Variants in SURF2 observed in about 807,000 individuals in gnomAD.
SURF2 encodes the protein surfeit 2, also known as surfeit locus protein 2.
Under a neutral mutation model 26.2 loss-of-function variants are expected in SURF2, and 32 were observed. That is an observed-to-expected ratio of 1.22 (90% confidence interval 0.92 to 1.64). The LOEUF (loss-of-function observed/expected upper bound fraction) is 1.64, where lower values mean the gene tolerates loss of function less well. Ranked by LOEUF, SURF2 falls within the 40% of genes most tolerant of loss-of-function variation. The pLI is 0.00. For missense variants in SURF2, 415 were observed against 341.6 expected (o/e 1.21, Z -1.69); for synonymous variants, 173 against 139.1 (o/e 1.24, Z -1.71).
Position 133,357,803 on chromosome 9 carries a change from C to G in SURF2, c.326C>G (p.Ala109Gly), listed in dbSNP as rs2130036881. 1.7e-5 allele frequency: 27 copies of G among 1,613,368 alleles called. No individual in the cohort carries two copies. The highest frequency in any genetic ancestry group is 2.7e-5 in the African/African-American group (2 of 74,962). The stretch of plus-strand genomic sequence containing the variant: ...ACCCAGGGCCGGCGGTACCAGCGAG[C>G]TCTGTGTAAATGTAAGTCCCAGTGG... ...RHTQGRRYQR[A>G]LCKYEECQKQ... Residue 109 changes from alanine (A) to glycine (G), a missense_variant, in exon 3 of 6, where the codon GCT (alanine) becomes GGT (glycine). Transcript: ENST00000371964.
chr9:133,360,951 A>T, intron 5 of SURF2, 105 bp from the exon 6 acceptor site: 1 of 1,197,198 alleles, frequency 8.4e-7, no homozygotes, highest in Non-Finnish European at 1.2e-6. Context: ...TGGGTATTTG[A>T]CCGACACCTC....
Position 133,357,116 on chromosome 9 carries a change from C to A in SURF2, c.233+48C>A, listed in dbSNP as rs2130032962. 3 of 1,476,494 alleles carry A rather than the reference C, an allele frequency of 2.0e-6. No homozygotes were observed. The East Asian group carries it at 7.9e-5, about 39-fold the overall frequency. 91.5% of individuals were successfully genotyped at this position (1,476,494 alleles called of 1,614,324 possible). A position where few individuals can be genotyped will look rare whatever the true frequency, so the allele number is the denominator to read the frequency against. On this transcript the variant is annotated intron_variant, in intron 2 of 5. Coordinates refer to ENST00000371964, the MANE Select transcript of SURF2 (RefSeq NM_017503.5). ...GGGAGGCCCAGGGCAATTAGGACAG[C>A]CCCTCCGCTGGACTCCGCCAGTGCT...
At chr9:133,358,430 T>C (rs1202078568) in intron 3 of SURF2, among the ~76,000 whole-genome samples, 1 of 151,942 alleles carries the variant, frequency 6.6e-6, no homozygotes, top group East Asian at 1.9e-4. Flanking sequence ...GAATTCAGAG[T>C]CCCTTTGAAG....
intron 2 of SURF2, 150 bp downstream of exon 2, chr9:133,357,218 A>T: frequency 1.0e-6 from 1 of 984,740 alleles, no homozygotes; most frequent in East Asian, 3.0e-5. Context: ...CTGCGGTCCC[A>T]GCGGCGAGGC....
chr9:133,360,468 G>A, intron 5 of SURF2, 34 bp downstream of exon 5: 1 of 1,553,480 alleles, frequency 6.4e-7, no homozygotes, highest in Non-Finnish European at 8.6e-7. Context: ...GTGTGGCAGT[G>A]GCTTCCCCTA....
At chr9:133,358,525 GA>G (rs2119093680) in intron 3 of SURF2, among the ~76,000 whole-genome samples, 1 of 152,326 alleles carries the variant, frequency 6.6e-6, no homozygotes, top group South Asian at 2.1e-4. Context: ...CTGGATGAAG[GA>G]GATGGTTGCA....
chr9:133,360,126 C>G lies in SURF2; in HGVS notation c.514C>G (p.Pro172Ala), dbSNP rs2130048024. ...ASDDSMTDLY[P>A]PELFTRKDLG... ...TGATGACAGCATGACAGACCTGTACCCACGTAAGCAGAACAGGCCCTGCTT... is the reference window on the plus strand; with the variant it reads ...TGATGACAGCATGACAGACCTGTACGCACGTAAGCAGAACAGGCCCTGCTT... Residue 172 changes from proline (P) to alanine (A), a missense_variant, in exon 4 of 6, where the codon CCA becomes GCA. By Grantham distance (27) the Pro-to-Ala change is conservative (BLOSUM62 -1). Coordinates refer to ENST00000371964, the MANE Select transcript of SURF2 (RefSeq NM_017503.5). 1.0e-5 allele frequency: 16 copies of G among 1,604,652 alleles called. No homozygotes were observed. The highest frequency in any genetic ancestry group is 1.4e-5 in the Non-Finnish European group (16 of 1,173,950).
At chr9:133,358,020 G>A (rs1035311383) in intron 3 of SURF2, among the ~76,000 whole-genome samples, 6 of 152,034 alleles carry the variant, frequency 3.9e-5, no homozygotes, top group South Asian at 2.1e-4. Context: ...AAGCAGGCTC[G>A]GGAGTGAGTG....
Position 133,356,555 on chromosome 9 carries a change from A to T in SURF2, c.-38A>T, listed in dbSNP as rs1836597822. 1.3e-6 allele frequency: 2 copies of T among 1,501,862 alleles called. No homozygotes were observed. The highest frequency in any genetic ancestry group is 5.5e-5 in the East Asian group (2 of 36,602). 93.0% of individuals were successfully genotyped at this position (1,501,862 alleles called of 1,614,324 possible). On this transcript the variant is annotated 5_prime_UTR_variant, in exon 1 of 6. Coordinates refer to ENST00000371964, the MANE Select transcript of SURF2 (RefSeq NM_017503.5). ...CCCGCCCCCGGCTCCAGGTTCTGCG[A>T]GCGGCTTCCGCCGGGCTGCTCCGCG... is the stretch of plus-strand genomic sequence containing the variant.
intron 5 of SURF2, among the ~76,000 whole-genome samples, chr9:133,360,763 C>T (rs1836752231): frequency 1.3e-5 from 2 of 152,226 alleles, no homozygotes; most frequent in African/African-American, 4.8e-5. Flanking sequence ...ACCACCTTTG[C>T]CTTTGCCATC....
intron 3 of SURF2, 74 bp downstream of exon 3, chr9:133,357,888 T>C: frequency 2.7e-6 from 4 of 1,467,904 alleles, no homozygotes; most frequent in Non-Finnish European, 3.8e-6. Context: ...TGGAGCGTGC[T>C]TGAAGGCAGG....
chr9:133,360,688 AC>A (rs1445427245), intron 5 of SURF2, among the ~76,000 whole-genome samples: 3 of 152,168 alleles, frequency 2.0e-5, no homozygotes, highest in African/African-American at 7.2e-5. Flanking sequence ...ACACCCTCCT[AC>A]CTCAGACTAT....
chr9:133,361,025 C>T, intron 5 of SURF2, 31 bp from the exon 6 acceptor site: 1 of 1,612,206 alleles, frequency 6.2e-7, no homozygotes, highest in African/African-American at 1.3e-5. Context: ...ATCAGAAAGG[C>T]TCAGTAATCA....
intron 3 of SURF2, 44 bp from the exon 4 acceptor site, chr9:133,359,906 T>G: frequency 6.4e-7 from 1 of 1,558,448 alleles, no homozygotes; most frequent in Non-Finnish European, 8.7e-7. Flanking sequence ...CAGAGGACCG[T>G]GGGGGGTGTG....
At chr9:133,359,814 C>T in intron 3 of SURF2, 136 bp from the exon 4 acceptor site, 2 of 1,059,058 alleles carry the variant, frequency 1.9e-6, no homozygotes, top group Non-Finnish European at 2.7e-6. Context: ...CTGAGGCACC[C>T]AGCAGCTGCT....
chr9:133,357,100 A>G, intron 2 of SURF2, 32 bp downstream of exon 2: 1 of 1,522,678 alleles, frequency 6.6e-7, no homozygotes, highest in African/African-American at 1.4e-5. Context: ...GGGGAGGCCC[A>G]GGGCAATTAG....
At chr9:133,356,893 T>C (rs2130030936) in intron 1 of SURF2, 21 bp from the exon 2 acceptor site, 2 of 1,536,432 alleles carry the variant, frequency 1.3e-6, no homozygotes, top group East Asian at 4.9e-5. Context: ...CCTGACGTCC[T>C]GCCCGCCCAC....
rs111500619 is a variant in SURF2 at position 133,361,038 on chromosome 9, A to G, written c.688-18A>G. 2 of 1,613,830 alleles carry G rather than the reference A, an allele frequency of 1.2e-6. No homozygotes were observed. Among genetic ancestry groups the G allele is most frequent in the African/African-American group, 1.3e-5 (1 of 74,918 alleles). On this transcript the variant is annotated intron_variant, in intron 5 of 5. Coordinates refer to ENST00000371964, the MANE Select transcript of SURF2 (RefSeq NM_017503.5). ...GGATCAGAAAGGCTCAGTAATCAGAATTTTGTTTATCCCACAGAAGCAGTT... is the reference window on the plus strand; with the variant it reads ...GGATCAGAAAGGCTCAGTAATCAGAGTTTTGTTTATCCCACAGAAGCAGTT...
In SURF2 at chr9:133,360,019, AGGAC is replaced by A; in HGVS notation, c.408_411del (p.Glu136AspfsTer31). The A allele has an allele frequency of 1.2e-6, 2 of 1,614,058 alleles. No individual in the cohort carries two copies. Among genetic ancestry groups the A allele is most frequent in the Non-Finnish European group, 1.7e-6 (2 of 1,179,984 alleles). ...CTGGTGCACCGGAGGAGGAGGAGGG[AGGAC>A]CAGATGGACGGTGACGGGCCTCGCC... On this transcript the variant is annotated frameshift_variant, in exon 4 of 6. Coordinates refer to ENST00000371964, the MANE Select transcript of SURF2 (RefSeq NM_017503.5). LOFTEE classifies it high-confidence loss of function.
Sources: gnomAD v4.1 joint callset for allele counts (sites outside exome capture counted in the v4.1 genomes callset) on GRCh38, gnomAD v4.1.1 for gene constraint, MANE v1.5 for transcripts, NCBI Gene and HGNC (gene_info 2026-07-23, HGNC 2026-07-21) for gene names.